DNMT3L: variants seen among roughly 807,000 people sequenced by gnomAD.
DNMT3L encodes DNA (cytosine-5)-methyltransferase 3-like.
A neutral mutation model predicts 36.2 loss-of-function variants in DNMT3L; 33 were observed. The ratio of observed to expected loss-of-function variants is 0.91; its 90% CI spans 0.69 to 1.22. DNMT3L has a LOEUF of 1.22. DNMT3L is among the 50% of genes most tolerant of loss of function. The probability of loss-of-function intolerance (pLI) is 0.00; values close to 1 mark genes in which losing one functional copy is unlikely to be tolerated. For missense variants in DNMT3L, 310 were observed against 303.1 expected (o/e 1.02, Z -0.17); for synonymous variants, 117 against 121.7 (o/e 0.96, Z 0.26).
Position 44,254,608 on chromosome 21 carries a change from G to A in DNMT3L, c.693+9C>T, listed in dbSNP as rs749217647. 6.5e-5 allele frequency: 105 copies of A among 1,613,352 alleles called. No homozygotes were observed. Among genetic ancestry groups the A allele is most frequent in the South Asian group, 3.7e-4 (34 of 91,002 alleles). On this transcript the variant is annotated intron_variant, in intron 8 of 11. Transcript: ENST00000628202. Reference sequence around the variant, plus strand: ...ACTACAGTGTCTGAGAGTTCACGGCGGTACTCACATCCTTCCTCACTGTGT... The same window carrying A: ...ACTACAGTGTCTGAGAGTTCACGGCAGTACTCACATCCTTCCTCACTGTGT...
intron 6 of DNMT3L, among the ~76,000 whole-genome samples, chr21:44,257,313 G>T (rs934212115): frequency 6.6e-6 from 1 of 152,130 alleles, no homozygotes. Flanking sequence ...GGAGGCCGAG[G>T]TTGCAGTGAG....
rs532994427 is a variant in DNMT3L, at chr21:44,254,666, G to A, written c.644C>T (p.Pro215Leu). 11 of 1,613,932 alleles carry A rather than the reference G, an allele frequency of 6.8e-6. No homozygotes were observed. The highest frequency in any genetic ancestry group is 6.7e-5 in the Admixed American group (4 of 60,010). ...ATCAACCACATGCTTCAGTTGTCCC[G>A]GGTCAGAACCACTTTCCAAAAAGCC... is the stretch of plus-strand genomic sequence containing the variant. ...SLGFLESGSD[P>L]GQLKHVVDVT... is the part of the protein sequence containing the mutation. The change falls in exon 8 of 12, where the codon CCG becomes CTG. Residue 215 changes from proline to leucine, a missense_variant. Pro to Leu is a moderately conservative substitution (Grantham distance 98). Transcript: ENST00000628202.
rs60313825 is a variant in DNMT3L at position 44,257,680 on chromosome 21, CAAAAA to C, written c.516+838_516+842del. On this transcript the variant is annotated intron_variant, in intron 6 of 11. Transcript: ENST00000628202. Reference sequence around the variant, plus strand: ...TGGGCGACAGAGCGAGACTCCGTCTCAAAAAAAAAAAAAAAATAAATAAATAAATA... The same window carrying C: ...TGGGCGACAGAGCGAGACTCCGTCTCAAAAAAAAAAATAAATAAATAAATA... 1.6e-4 allele frequency among the ~76,000 whole-genome samples: 19 copies of C among 120,462 alleles called. 1 individual carries two copies. The East Asian group carries it at 2.1e-3, about 13-fold the overall frequency. 79.0% of individuals were successfully genotyped at this position (120,462 alleles called of 152,430 possible).
At chr21:44,255,773 G>A (rs1480848493) in intron 7 of DNMT3L, among the ~76,000 whole-genome samples, 1 of 152,224 alleles carries the variant, frequency 6.6e-6, no homozygotes, top group South Asian at 2.1e-4. Context: ...GCATGAGGCC[G>A]CTCTGAGACA....
In DNMT3L at chr21:44,258,262, C is replaced by T. The variant is rs1195728360; in HGVS notation, c.516+261G>A. ...AGGACTGGACTTTGAGACGTGCCAG[C>T]CACCCTCTCCCGGCCCCTCTCCCAT... On this transcript the variant is annotated intron_variant, in intron 6 of 11. Transcript: ENST00000628202. The surrounding 1 kb of genome is among the most constrained non-coding windows in gnomAD (Gnocchi z 6.2). 6.6e-6 allele frequency among the ~76,000 whole-genome samples: 1 copy of T among 152,180 alleles called. No individual in the cohort carries two copies. The highest frequency in any genetic ancestry group is 6.5e-5 in the Admixed American group (1 of 15,284).
At chr21:44,257,859 C>G (rs925668440) in intron 6 of DNMT3L, among the ~76,000 whole-genome samples, 2 of 152,052 alleles carry the variant, frequency 1.3e-5, no homozygotes, top group Non-Finnish European at 2.9e-5. Flanking sequence ...AGGCCTCTCC[C>G]CCAGCTCCTG....
chr21:44,257,026 G>A (rs2040264791), intron 6 of DNMT3L, among the ~76,000 whole-genome samples: 1 of 152,224 alleles, frequency 6.6e-6, no homozygotes, highest in South Asian at 2.1e-4. Flanking sequence ...CCCGCTGGCT[G>A]CCTCACCGGG....
In DNMT3L at chr21:44,256,102, A is replaced by G; in HGVS notation, c.569T>C (p.Val190Ala). ...ETVPVWRRQP[V>A]RVLSLFEDIK... The stretch of plus-strand genomic sequence containing the variant: ...GTCTTCAAAAAGGGACAGCACCCGG[A>G]CTGGCTGTCTCCTCCACACAGGCAC... The change falls in exon 7 of 12, where the codon GTC becomes GCC. Residue 190 changes from valine (V) to alanine (A), a missense_variant. Val to Ala is a moderately conservative substitution (Grantham distance 64). Transcript: ENST00000628202. 1 of 1,613,970 alleles carries G rather than the reference A, an allele frequency of 6.2e-7. No homozygotes were observed. The highest frequency in any genetic ancestry group is 8.5e-7 in the Non-Finnish European group (1 of 1,179,994).
chr21:44,256,555 G>T (rs185698516), intron 6 of DNMT3L, among the ~76,000 whole-genome samples: 1 of 151,510 alleles, frequency 6.6e-6, no homozygotes, highest in Admixed American at 6.6e-5. Flanking sequence ...CTCCCGAGTA[G>T]CTGGGATCAC....
At chr21:44,259,744 C>T (rs1264357755) in intron 3 of DNMT3L, 33 bp from the exon 4 acceptor site, 3 of 1,586,294 alleles carry the variant, frequency 1.9e-6, no homozygotes, top group Non-Finnish European at 2.6e-6. Context: ...ACTGTGTTTT[C>T]CCAGTGCTGT....
At position 44,258,658 on chromosome 21, in the gene DNMT3L, G is replaced by C. The variant is rs1568916800; in HGVS notation, c.381C>G (p.Gly127=). ...YCFECVDSLV[G]PGTSGKVHAM... ...CGTGCACCTTCCCCGAGGTCCCGGG[G>C]CCGACCAGGCTATCCACACACTCGA... Residue 127 remains glycine (G), a synonymous_variant, in exon 6 of 12, where the codon GGC becomes GGG. Coordinates refer to ENST00000628202, the MANE Select transcript of DNMT3L (RefSeq NM_175867.3). This position sits in a 1 kb window ranked among gnomAD's most constrained non-coding sequence, Gnocchi z 6.2. The C allele has an allele frequency of 6.2e-7, 1 of 1,612,942 alleles. No individual in the cohort carries two copies. The highest frequency in any genetic ancestry group is 1.1e-5 in the South Asian group (1 of 91,086).
At position 44,258,600 on chromosome 21, in the gene DNMT3L, G is replaced by T; in HGVS notation, c.439C>A (p.Pro147Thr). ...TGCAGCAGCCCGCTTCGGGAGGACGGCAGGCACAGGTAGCACACCCAGTTG... is the reference window on the plus strand; with the variant it reads ...TGCAGCAGCCCGCTTCGGGAGGACGTCAGGCACAGGTAGCACACCCAGTTG... ...MSNWVCYLCL[P>T]SSRSGLLQRR... Residue 147 changes from proline (P) to threonine (T), a missense_variant, in exon 6 of 12, where the codon CCG becomes ACG. Physicochemically the swap from Pro to Thr is conservative, Grantham distance 38. Coordinates refer to ENST00000628202, the MANE Select transcript of DNMT3L (RefSeq NM_175867.3). The surrounding 1 kb of genome is among the most constrained non-coding windows in gnomAD (Gnocchi z 6.2). The T allele has an allele frequency of 6.2e-7, 1 of 1,611,872 alleles. No individual in the cohort carries two copies. The highest frequency in any genetic ancestry group is 8.5e-7 in the Non-Finnish European group (1 of 1,179,604).
intron 8 of DNMT3L, among the ~76,000 whole-genome samples, chr21:44,253,498 C>T (rs1478497757): frequency 2.0e-5 from 3 of 152,146 alleles, no homozygotes; most frequent in Non-Finnish European, 2.9e-5. Flanking sequence ...GGGTGGATCA[C>T]CTGAGATCAG....
intron 1 of DNMT3L, among the ~76,000 whole-genome samples, 197 bp downstream of exon 1, chr21:44,261,543 C>T (rs921154130): frequency 6.6e-6 from 1 of 152,148 alleles, no homozygotes; most frequent in Non-Finnish European, 1.5e-5. Flanking sequence ...AAGGGGAGGG[C>T]AGGGCCCTCA....
Position 44,261,017 on chromosome 21 carries a change from G to A in DNMT3L, c.106+137C>T, listed in dbSNP as rs540596019. On this transcript the variant is annotated intron_variant, in intron 2 of 11. Coordinates refer to ENST00000628202, the MANE Select transcript of DNMT3L (RefSeq NM_175867.3). ...AAACGCCCATACCTGGGGGAAGACT[G>A]TGGGTGGGGAACCTCCTGCCCCAGC... is the stretch of plus-strand genomic sequence containing the variant. 8.1e-6 allele frequency: 11 copies of A among 1,361,216 alleles called. No homozygotes were observed. The South Asian group carries it at 1.4e-4, about 17-fold the overall frequency. 84.3% of individuals were successfully genotyped at this position (1,361,216 alleles called of 1,614,324 possible).
Position 44,258,812 on chromosome 21 carries a change from T to G in DNMT3L, c.345-118A>C. 2 of 1,368,950 alleles carry G rather than the reference T, an allele frequency of 1.5e-6. No homozygotes were observed. The highest frequency in any genetic ancestry group is 2.9e-5 in the South Asian group (2 of 68,510). 84.8% of individuals were successfully genotyped at this position (1,368,950 alleles called of 1,614,324 possible). A position where few individuals can be genotyped will look rare whatever the true frequency, so the allele number is the denominator to read the frequency against. Reference sequence around the variant, plus strand: ...GGAAAAGTCACGCTGGAGCTCCCTTTGGGAAGACCAGGTGGTGGACTGGGA... The same window carrying G: ...GGAAAAGTCACGCTGGAGCTCCCTTGGGGAAGACCAGGTGGTGGACTGGGA... On this transcript the variant is annotated intron_variant, in intron 5 of 11. Coordinates refer to ENST00000628202, the MANE Select transcript of DNMT3L (RefSeq NM_175867.3). This position sits in a 1 kb window ranked among gnomAD's most constrained non-coding sequence, Gnocchi z 6.2.
At chr21:44,254,433 G>A (rs939241884) in intron 8 of DNMT3L, among the ~76,000 whole-genome samples, 184 bp downstream of exon 8, 1 of 152,212 alleles carries the variant, frequency 6.6e-6, no homozygotes, top group Admixed American at 6.5e-5. Context: ...CTGGGCCGGC[G>A]GGGTTGGGCT....
chr21:44,260,118 C>A (rs549314039), intron 3 of DNMT3L, among the ~76,000 whole-genome samples: 1 of 151,084 alleles, frequency 6.6e-6, no homozygotes, highest in Admixed American at 6.6e-5. Flanking sequence ...CCAAATGGAG[C>A]TGCAGAGCCC....
intron 1 of DNMT3L, among the ~76,000 whole-genome samples, 196 bp downstream of exon 1, chr21:44,261,544 A>C (rs111521236): frequency 2.6e-5 from 4 of 152,130 alleles, no homozygotes; most frequent in African/African-American, 7.2e-5. Flanking sequence ...AGGGGAGGGC[A>C]GGGCCCTCAT....
Sources: gnomAD v4.1 joint callset for allele counts (sites outside exome capture counted in the v4.1 genomes callset) on GRCh38, gnomAD v4.1.1 for gene constraint, Gnocchi (gnomAD v3.1) non-coding constraint, MANE v1.5 for transcripts, NCBI Gene and HGNC (gene_info 2026-07-23, HGNC 2026-07-21) for gene names.